The following GALNT16 variants were observed in gnomAD, a reference collection of about 807,000 sequenced individuals.
GALNT16 encodes the protein polypeptide N-acetylgalactosaminyltransferase 16, also known as UDP-GalNAc:polypeptide N-acetylgalactosaminyltransferase-like protein 1.
A neutral mutation model predicts 76.1 loss-of-function variants in GALNT16; 40 were observed. That is an observed-to-expected ratio of 0.53 (90% confidence interval 0.41 to 0.68). The LOEUF is 0.68. Ranked by LOEUF, GALNT16 falls within the 30% of genes least tolerant of loss-of-function variation. The pLI, the probability that GALNT16 is intolerant of heterozygous loss-of-function variation, is 0.00. For synonymous variants in GALNT16, 276 were observed against 285.2 expected (o/e 0.97, Z 0.32); for missense variants, 621 against 731.9 (o/e 0.85, Z 1.75).
chr14:69,384,540 G>A, the GALNT16 span, among the ~76,000 whole-genome samples: 1 of 152,248 alleles, frequency 6.6e-6, no homozygotes, highest in East Asian at 1.9e-4. Context: ...CTGGGAGTAA[G>A]TATGACATCC....
intron 1 of GALNT16, among the ~76,000 whole-genome samples, chr14:69,297,966 T>C (rs1333158518): frequency 6.6e-6 from 1 of 152,226 alleles, no homozygotes; most frequent in Non-Finnish European, 1.5e-5. Context: ...TACTCACCCC[T>C]ATTTTACAGC....
chr14:69,272,544 G>T (rs1174810682), intron 1 of GALNT16, among the ~76,000 whole-genome samples: 2 of 152,072 alleles, frequency 1.3e-5, no homozygotes, highest in Non-Finnish European at 2.9e-5. Context: ...CCACTGTAAT[G>T]TTGCAGCACA....
the GALNT16 span, among the ~76,000 whole-genome samples, chr14:69,383,463 T>C: frequency 2.6e-5 from 4 of 152,226 alleles, no homozygotes; most frequent in Admixed American, 6.5e-5. Context: ...GGATGTGCTG[T>C]GGCAGTGGGT....
In GALNT16 at chr14:69,296,369, C is replaced by G. The variant is rs375909112; in HGVS notation, c.178-24342C>G. On this transcript the variant is annotated intron_variant, in intron 1 of 14. Transcript: ENST00000448469. ...TGAGATTTGGGTGGGAACGCAGAGC[C>G]AAACCACATCACATATGCAAGAAAA... 4.3e-4 allele frequency among the ~76,000 whole-genome samples: 66 copies of G among 152,232 alleles called. No individual in the cohort carries two copies. The East Asian group carries it at 0.012, about 27-fold the overall frequency.
At position 69,333,413 on chromosome 14, in the gene GALNT16, G is replaced by C. The variant is rs1165562195; in HGVS notation, c.864-84G>C. On this transcript the variant is annotated intron_variant, in intron 8 of 14. Transcript: ENST00000448469. The surrounding 1 kb of genome is among the most constrained non-coding windows in gnomAD (Gnocchi z 4.2). ...CTCTGCAGGGAGGGATCTAGAGGCA[G>C]ACGGTCTTGGGTCCTGGGGCCATCT... The C allele has an allele frequency of 3.6e-6, 3 of 833,812 alleles. No homozygotes were observed. The highest frequency in any genetic ancestry group is 4.0e-5 in the Admixed American group (2 of 49,900). 51.7% of individuals were successfully genotyped at this position (833,812 alleles called of 1,614,324 possible). A position where few individuals can be genotyped will look rare whatever the true frequency, so the allele number is the denominator to read the frequency against.
Position 69,261,880 on chromosome 14 carries a change from A to G in GALNT16, c.177+1413A>G, listed in dbSNP as rs528060597. Among the ~76,000 whole-genome samples, 4 of 152,250 alleles carry G rather than the reference A, an allele frequency of 2.6e-5. No individual in the cohort carries two copies. The South Asian group carries it at 8.3e-4, about 32-fold the overall frequency. On this transcript the variant is annotated intron_variant, in intron 1 of 14. Transcript: ENST00000448469. The surrounding 1 kb of genome is among the most constrained non-coding windows in gnomAD (Gnocchi z 6.4). ...TCTGGGGGCAAGCCTGATTAGGTGC[A>G]CTGTTCCCTTCTGGGCTGTTCTCCC... is the stretch of plus-strand genomic sequence containing the variant.
intron 12 of GALNT16, among the ~76,000 whole-genome samples, chr14:69,342,884 G>T (rs1379065691): frequency 2.6e-5 from 4 of 152,124 alleles, no homozygotes; most frequent in African/African-American, 9.7e-5. Flanking sequence ...TGAGTTTGCA[G>T]CTCCGCCTCC....
chr14:69,333,313 A>G lies in GALNT16; in HGVS notation c.863+144A>G. 1 of 697,374 alleles carries G rather than the reference A, an allele frequency of 1.4e-6. No individual in the cohort carries two copies. The highest frequency in any genetic ancestry group is 1.7e-5 in the South Asian group (1 of 58,656). The allele number at this position is 697,374 out of a possible 1,614,324, so 43.2% of individuals were successfully genotyped here. On this transcript the variant is annotated intron_variant, in intron 8 of 14. Transcript: ENST00000448469. The surrounding 1 kb of genome is among the most constrained non-coding windows in gnomAD (Gnocchi z 4.2). ...TTCTGGGCCTTCGGACCCTGTATGCAGGGACAGCGAGGACAGAGGCCACGG... is the reference window on the plus strand; with the variant it reads ...TTCTGGGCCTTCGGACCCTGTATGCGGGGACAGCGAGGACAGAGGCCACGG...
intron 1 of GALNT16, among the ~76,000 whole-genome samples, chr14:69,278,595 T>C (rs1347722757): frequency 6.6e-6 from 1 of 152,276 alleles, no homozygotes; most frequent in Non-Finnish European, 1.5e-5. Context: ...CATTGTTGTC[T>C]ACTGTTCCAT....
rs2045656726 is a variant in GALNT16, at chr14:69,352,912, T to C, written c.*744T>C. ...GCTGCCTCTTCCGGTCCTGTGCCTG[T>C]GGGTGCCCACATTCTTAGCAAGAGG... On this transcript the variant is annotated 3_prime_UTR_variant, in exon 15 of 15. Transcript: ENST00000448469. Among the ~76,000 whole-genome samples the C allele has an allele frequency of 6.6e-6, 1 of 152,212 alleles. No individual in the cohort carries two copies. Among genetic ancestry groups the C allele is most frequent in the African/African-American group, 2.4e-5 (1 of 41,458 alleles).
intron 1 of GALNT16, among the ~76,000 whole-genome samples, chr14:69,315,709 T>C (rs1350961502): frequency 6.6e-6 from 1 of 152,224 alleles, no homozygotes; most frequent in African/African-American, 2.4e-5. Context: ...CTTTGTTTTT[T>C]ACTTGTGGAG....
Position 69,260,477 on chromosome 14 carries a change from C to G in GALNT16, c.177+10C>G. The G allele has an allele frequency of 7.2e-7, 1 of 1,387,772 alleles. No homozygotes were observed. The highest frequency in any genetic ancestry group is 9.3e-7 in the Non-Finnish European group (1 of 1,071,874). The allele number at this position is 1,387,772 out of a possible 1,614,324, so 86.0% of individuals were successfully genotyped here. Reference sequence around the variant, plus strand: ...CACCATCCCGCTCATTGTGAGTACGCCCCGAGCGTCGGCCGGCCGGCTAGG... The same window carrying G: ...CACCATCCCGCTCATTGTGAGTACGGCCCGAGCGTCGGCCGGCCGGCTAGG... On this transcript the variant is annotated intron_variant, in intron 1 of 14. Coordinates refer to ENST00000448469, the MANE Select transcript of GALNT16 (RefSeq NM_001168368.2).
chr14:69,384,922 A>G, the GALNT16 span, among the ~76,000 whole-genome samples: 1 of 151,920 alleles, frequency 6.6e-6, no homozygotes, highest in Non-Finnish European at 1.5e-5. Flanking sequence ...CTCATCTCCT[A>G]CCCTCTCTTG....
chr14:69,349,894 GGTGATTCA>G (rs1167127693), intron 14 of GALNT16: 2 of 152,128 alleles, frequency 1.3e-5, no homozygotes, highest in African/African-American at 4.8e-5. Context: ...CTAATGATTG[GGTGATTCA>G]GTCATTCGTT....
At chr14:69,324,811 C>T in intron 3 of GALNT16, 21 bp downstream of exon 3, 1 of 1,500,636 alleles carries the variant, frequency 6.7e-7, no homozygotes, top group Admixed American at 1.8e-5. Flanking sequence ...CCATGGGACT[C>T]TCATCTCAGT....
chr14:69,277,274 C>A (rs1175939061), intron 1 of GALNT16, among the ~76,000 whole-genome samples: 1 of 152,188 alleles, frequency 6.6e-6, no homozygotes, highest in Non-Finnish European at 1.5e-5. Context: ...GCACAACGTG[C>A]AGGCTCGTCA....
At chr14:69,340,164 T>C (rs1202126676) in intron 11 of GALNT16, among the ~76,000 whole-genome samples, 1 of 152,218 alleles carries the variant, frequency 6.6e-6, no homozygotes, top group Admixed American at 6.5e-5. Flanking sequence ...AGGGTTAGTA[T>C]TGTCCTTATG....
chr14:69,369,742 A>G, the GALNT16 span, among the ~76,000 whole-genome samples: 2 of 152,206 alleles, frequency 1.3e-5, no homozygotes, highest in Non-Finnish European at 2.9e-5. Flanking sequence ...CCTGATTAGG[A>G]ACAGTCTAAA....
intron 1 of GALNT16, among the ~76,000 whole-genome samples, chr14:69,280,401 T>C (rs769137842): frequency 1.3e-5 from 2 of 152,226 alleles, no homozygotes; most frequent in East Asian, 3.8e-4. Context: ...TAATAAATAC[T>C]CCTATGTATG....
Sources: allele counts gnomAD v4.1 joint callset (sites outside exome capture counted in the v4.1 genomes callset), GRCh38; gene constraint gnomAD v4.1.1; non-coding constraint Gnocchi (gnomAD v3.1); transcripts MANE v1.5; gene names NCBI Gene and HGNC (gene_info 2026-07-23, HGNC 2026-07-21).